The following ZFPM1 variants were observed in gnomAD, a reference collection of about 807,000 sequenced individuals.
The protein encoded by ZFPM1 is zinc finger protein ZFPM1.
In ZFPM1, 28 loss-of-function variants were observed where a neutral mutation model predicts 46.3. The observed-to-expected ratio is 0.60, with a 90% CI of 0.45 to 0.83. The LOEUF (loss-of-function observed/expected upper bound fraction) is 0.83. Ranked by LOEUF, ZFPM1 falls within the 40% of genes least tolerant of loss-of-function variation. The pLI is 0.00. For synonymous variants in ZFPM1, 957 were observed against 675.9 expected (o/e 1.42, Z -6.45); for missense variants, 1,878 against 1,432.4 (o/e 1.31, Z -5.02).
chr16:88,534,534 G>GC lies in ZFPM1; in HGVS notation c.2582dup (p.Asn862GlufsTer215). On this transcript the variant is annotated frameshift_variant, in exon 10 of 10. Transcript: ENST00000319555. LOFTEE classifies it low-confidence loss of function (END_TRUNC). ...CTGCCCGCCGCCGCCTGCCCCTACT[G>GC]CCCCCCGAACGGCCCGGTGCGCGGG... 4 of 1,408,512 alleles carry GC rather than the reference G, an allele frequency of 2.8e-6. No homozygotes were observed. Among genetic ancestry groups the GC allele is most frequent in the African/African-American group, 1.5e-5 (1 of 66,018 alleles). The allele number at this position is 1,408,512 out of a possible 1,614,324, so 87.3% of individuals were successfully genotyped here. A position where few individuals can be genotyped will look rare whatever the true frequency, so the allele number is the denominator to read the frequency against.
chr16:88,500,366 C>T (rs1327010312), intron 3 of ZFPM1, among the ~76,000 whole-genome samples: 1 of 152,232 alleles, frequency 6.6e-6, no homozygotes, highest in Non-Finnish European at 1.5e-5. Flanking sequence ...TTGGGAGGAC[C>T]CTTGGGACAG....
rs954812511 is a variant in ZFPM1 at position 88,469,576 on chromosome 16, T to C, written c.40+15898T>C. ...GGGGCTTAGGACACCTTAGGGGGCA[T>C]GCACCTGTGTTCTGCATCCACCCAC... On this transcript the variant is annotated intron_variant, in intron 1 of 9. Transcript: ENST00000319555. This position sits in a 1 kb window ranked among gnomAD's most constrained non-coding sequence, Gnocchi z 4.3. Among the ~76,000 whole-genome samples the C allele has an allele frequency of 6.6e-6, 1 of 152,184 alleles. No individual in the cohort carries two copies. The highest frequency in any genetic ancestry group is 1.5e-5 in the Non-Finnish European group (1 of 68,034).
chr16:88,534,119 C>T lies in ZFPM1; in HGVS notation c.2161C>T (p.Pro721Ser). Residue 721 changes from proline to serine, a missense_variant, in exon 10 of 10, where the codon CCG (proline) becomes TCG (serine). Pro to Ser is a moderately conservative substitution (Grantham distance 74). Transcript: ENST00000319555. ...DPPPRRPAAPPGPPGPAAPPA... is the reference protein window; with the variant it reads ...DPPPRRPAAPSGPPGPAAPPA... ...GCCGCCGCGCCGACCGGCCGCGCCC[C>T]CGGGACCCCCTGGGCCGGCCGCGCC... 1 of 1,116,260 alleles carries T rather than the reference C, an allele frequency of 9.0e-7. No homozygotes were observed. Among genetic ancestry groups the T allele is most frequent in the Non-Finnish European group, 1.1e-6 (1 of 893,978 alleles). 69.1% of individuals were successfully genotyped at this position (1,116,260 alleles called of 1,614,324 possible). A position where few individuals can be genotyped will look rare whatever the true frequency, so the allele number is the denominator to read the frequency against.
chr16:88,497,867 G>A lies in ZFPM1; in HGVS notation c.268+8714G>A, dbSNP rs541089711. Among the ~76,000 whole-genome samples, 112 of 152,306 alleles carry A rather than the reference G, an allele frequency of 7.4e-4. No homozygotes were observed. Among genetic ancestry groups the A allele is most frequent in the Non-Finnish European group, 1.2e-3 (85 of 68,014 alleles). On this transcript the variant is annotated intron_variant, in intron 3 of 9. Coordinates refer to ENST00000319555, the MANE Select transcript of ZFPM1 (RefSeq NM_153813.3). This position sits in a 1 kb window ranked among gnomAD's most constrained non-coding sequence, Gnocchi z 5.4. Reference sequence around the variant, plus strand: ...GCTCCATCTGACTAATCTCGCCGGCGGAGCGTCTACGCAAACCTCAAGGCC... The same window carrying A: ...GCTCCATCTGACTAATCTCGCCGGCAGAGCGTCTACGCAAACCTCAAGGCC...
chr16:88,524,370 C>G (rs75424236), intron 4 of ZFPM1, among the ~76,000 whole-genome samples: 4,553 of 152,310 alleles, frequency 0.03, 104 homozygotes, highest in African/African-American at 0.065. Context: ...CCAGCAGAAG[C>G]CCCCATCGGA....
intron 4 of ZFPM1, among the ~76,000 whole-genome samples, chr16:88,523,572 G>A (rs983557701): frequency 6.6e-6 from 1 of 152,218 alleles, no homozygotes; most frequent in Non-Finnish European, 1.5e-5. Context: ...GGACCCTGGT[G>A]GCCCCAGGCG....
At chr16:88,478,280 G>C (rs113186971) in intron 1 of ZFPM1, among the ~76,000 whole-genome samples, 1 of 152,212 alleles carries the variant, frequency 6.6e-6, no homozygotes, top group Admixed American at 6.5e-5. Flanking sequence ...CTAGTAAGCC[G>C]CACCCTCACC....
At chr16:88,470,455 G>C (rs1454511201) in intron 1 of ZFPM1, among the ~76,000 whole-genome samples, 1 of 152,252 alleles carries the variant, frequency 6.6e-6, no homozygotes, top group African/African-American at 2.4e-5. Flanking sequence ...AGAACCACTG[G>C]GGAGGCTGTT....
chr16:88,526,282 C>T (rs1912313191), intron 4 of ZFPM1, among the ~76,000 whole-genome samples: 1 of 152,180 alleles, frequency 6.6e-6, no homozygotes, highest in Non-Finnish European at 1.5e-5. Context: ...CCGAGGGTTG[C>T]TAGGGAAGTG....
intron 3 of ZFPM1, among the ~76,000 whole-genome samples, chr16:88,494,637 T>C (rs112201536): frequency 0.014 from 2,194 of 151,810 alleles, 55 homozygotes; most frequent in African/African-American, 0.051. Flanking sequence ...GAGGGTGCAG[T>C]AGAGGGCGCA....
intron 2 of ZFPM1, among the ~76,000 whole-genome samples, chr16:88,487,609 G>A (rs1456527982): frequency 6.6e-6 from 1 of 152,144 alleles, no homozygotes; most frequent in African/African-American, 2.4e-5. Flanking sequence ...TTGGTCCCTG[G>A]CTTGGGAGCG....
In ZFPM1 at chr16:88,497,090, G is replaced by A. The variant is rs553786967; in HGVS notation, c.268+7937G>A. On this transcript the variant is annotated intron_variant, in intron 3 of 9. Coordinates refer to ENST00000319555, the MANE Select transcript of ZFPM1 (RefSeq NM_153813.3). This position sits in a 1 kb window ranked among gnomAD's most constrained non-coding sequence, Gnocchi z 5.4. ...CTCCCAGGACCACTATGGACAAGGTGAATTCCAGCTGATCACACAAGTCGT... is the reference window on the plus strand; with the variant it reads ...CTCCCAGGACCACTATGGACAAGGTAAATTCCAGCTGATCACACAAGTCGT... Among the ~76,000 whole-genome samples the A allele has an allele frequency of 1.1e-4, 17 of 152,334 alleles. No individual in the cohort carries two copies. The highest frequency in any genetic ancestry group is 3.8e-4 in the African/African-American group (16 of 41,574).
intron 4 of ZFPM1, among the ~76,000 whole-genome samples, chr16:88,518,234 G>A (rs777523839): frequency 5.9e-5 from 9 of 152,058 alleles, no homozygotes; most frequent in African/African-American, 1.2e-4. Flanking sequence ...GGGTGAATGC[G>A]TAGATAGGTG....
intron 3 of ZFPM1, among the ~76,000 whole-genome samples, chr16:88,496,467 A>AC (rs930608006): frequency 1.2e-4 from 18 of 151,794 alleles, no homozygotes; most frequent in African/African-American, 4.3e-4. Context: ...ACCCCGCCCC[A>AC]CCCCCACTGA....
rs746999438 is a variant in ZFPM1, at chr16:88,534,092, C to G, written c.2134C>G (p.Pro712Ala). 4.1e-5 allele frequency: 50 copies of G among 1,208,774 alleles called. No homozygotes were observed. In the African/African-American group the frequency reaches 5.1e-4, roughly 12 times the overall value. The allele number at this position is 1,208,774 out of a possible 1,614,324, so 74.9% of individuals were successfully genotyped here. Residue 712 changes from proline to alanine, a missense_variant, in exon 10 of 10, where the codon CCG (proline) becomes GCG (alanine). Pro to Ala is a conservative substitution (Grantham distance 27). Transcript: ENST00000319555. The stretch of plus-strand genomic sequence containing the variant: ...GTACTACTGCGCCTCGCGCCACGAC[C>G]CGCCGCCGCGCCGACCGGCCGCGCC... ...KRYYCASRHD[P>A]PPRRPAAPPG...
intron 4 of ZFPM1, among the ~76,000 whole-genome samples, chr16:88,524,799 G>A (rs150229901): frequency 1.5e-3 from 234 of 152,312 alleles, no homozygotes; most frequent in African/African-American, 5.1e-3. Flanking sequence ...GCAGGGGCTC[G>A]GCCGCCCCTC....
In ZFPM1 at chr16:88,527,342, G is replaced by A. The variant is rs939493403; in HGVS notation, c.505+426G>A. 3.3e-5 allele frequency among the ~76,000 whole-genome samples: 5 copies of A among 152,202 alleles called. No homozygotes were observed. In the East Asian group the frequency reaches 9.6e-4, roughly 29 times the overall value. On this transcript the variant is annotated intron_variant, in intron 5 of 9. Coordinates refer to ENST00000319555, the MANE Select transcript of ZFPM1 (RefSeq NM_153813.3). ...GGCTGGCTCCAGGAACGGTCAAGGTGGCCGTCCAGGAAGTCGAGGGGCCTT... is the reference window on the plus strand; with the variant it reads ...GGCTGGCTCCAGGAACGGTCAAGGTAGCCGTCCAGGAAGTCGAGGGGCCTT...
chr16:88,534,139 C>G lies in ZFPM1; in HGVS notation c.2181C>G (p.Ala727=). The G allele has an allele frequency of 4.0e-6, 4 of 1,008,492 alleles. No individual in the cohort carries two copies. The highest frequency in any genetic ancestry group is 3.5e-6 in the Non-Finnish European group (3 of 847,774). The allele number at this position is 1,008,492 out of a possible 1,614,324, so 62.5% of individuals were successfully genotyped here. A position where few individuals can be genotyped will look rare whatever the true frequency, so the allele number is the denominator to read the frequency against. The change falls in exon 10 of 10, where the codon GCC becomes GCG. Residue 727 remains alanine, a synonymous_variant. Transcript: ENST00000319555. ...CGCCCCCGGGACCCCCTGGGCCGGC[C>G]GCGCCCCCGGCCCCCTCTCCCGCCG... ...PAAPPGPPGP[A]APPAPSPAAP...
At chr16:88,461,888 G>T (rs1907908550) in intron 1 of ZFPM1, among the ~76,000 whole-genome samples, 1 of 152,230 alleles carries the variant, frequency 6.6e-6, no homozygotes, top group South Asian at 2.1e-4. Flanking sequence ...GGAGGCCCTG[G>T]AGGCGTGACA....
Sources: allele counts gnomAD v4.1 joint callset (sites outside exome capture counted in the v4.1 genomes callset), GRCh38; gene constraint gnomAD v4.1.1; non-coding constraint Gnocchi (gnomAD v3.1); transcripts MANE v1.5; gene names NCBI Gene and HGNC (gene_info 2026-07-23, HGNC 2026-07-21).